The following XPR1 variants were observed in gnomAD, a reference collection of about 807,000 sequenced individuals.
The protein encoded by XPR1 is xenotropic and polytropic retrovirus receptor 1.
XPR1 carries 28 observed loss-of-function variants against 87.5 expected under a neutral mutation model. That is an observed-to-expected ratio of 0.32 (90% CI 0.24 to 0.44). The LOEUF is 0.44. Ranked by LOEUF, XPR1 falls within the 20% of genes least tolerant of loss-of-function variation. The pLI is 1.00. For synonymous variants in XPR1, 300 were observed against 306.1 expected (o/e 0.98, Z 0.21); for missense variants, 559 against 862.3 (o/e 0.65, Z 4.41).
intron 2 of XPR1, among the ~76,000 whole-genome samples, chr1:180,743,320 G>A (rs1658981741): frequency 6.7e-6 from 1 of 150,366 alleles, no homozygotes; most frequent in Non-Finnish European, 1.5e-5. Context: ...GTTGCTTCAG[G>A]GATTATAATA....
chr1:180,850,678 C>T (rs1435904724), intron 11 of XPR1, among the ~76,000 whole-genome samples: 1 of 152,094 alleles, frequency 6.6e-6, no homozygotes, highest in African/African-American at 2.4e-5. Context: ...AGAATCCTGG[C>T]CAGGCATGGT....
At chr1:180,769,683 A>G (rs1557999501) in intron 2 of XPR1, among the ~76,000 whole-genome samples, 3 of 152,098 alleles carry the variant, frequency 2.0e-5, no homozygotes, top group Non-Finnish European at 4.4e-5. Context: ...TTCATCTGTC[A>G]ATGGACATTT....
chr1:180,745,161 A>G (rs1055760117), intron 2 of XPR1, among the ~76,000 whole-genome samples: 1 of 152,164 alleles, frequency 6.6e-6, no homozygotes, highest in African/African-American at 2.4e-5. Context: ...TTAGGTTCAG[A>G]TCCGATTATG....
chr1:180,698,032 G>A (rs1172854516), intron 2 of XPR1, among the ~76,000 whole-genome samples: 1 of 152,126 alleles, frequency 6.6e-6, no homozygotes, highest in African/African-American at 2.4e-5. Flanking sequence ...AATGGTGAGA[G>A]TAGGGTGTTG....
At chr1:180,696,974 A>T (rs1345354932) in intron 2 of XPR1, among the ~76,000 whole-genome samples, 1 of 151,858 alleles carries the variant, frequency 6.6e-6, no homozygotes, top group Non-Finnish European at 1.5e-5. Flanking sequence ...TGATTTTGTT[A>T]TTGGGGTAAT....
At chr1:180,804,254 G>A (rs1257642647) in intron 4 of XPR1, among the ~76,000 whole-genome samples, 1 of 152,206 alleles carries the variant, frequency 6.6e-6, no homozygotes, top group Non-Finnish European at 1.5e-5. Flanking sequence ...GGGATTACAG[G>A]CGTGAGCCAA....
intron 1 of XPR1, among the ~76,000 whole-genome samples, chr1:180,672,959 A>C (rs577241566): frequency 9.9e-5 from 15 of 152,144 alleles, no homozygotes; most frequent in Non-Finnish European, 2.1e-4. Context: ...GCTTTTCTTT[A>C]TTTATTTTAT....
At chr1:180,820,654 G>A (rs1354846338) in intron 7 of XPR1, among the ~76,000 whole-genome samples, 2 of 152,132 alleles carry the variant, frequency 1.3e-5, no homozygotes, top group African/African-American at 2.4e-5. Flanking sequence ...TTTCACAGAG[G>A]CTTTACCATT....
At chr1:180,707,597 C>A (rs1657601862) in intron 2 of XPR1, among the ~76,000 whole-genome samples, 1 of 152,086 alleles carries the variant, frequency 6.6e-6, no homozygotes, top group African/African-American at 2.4e-5. Flanking sequence ...CTCCCCTGTT[C>A]CTGTTTATAG....
chr1:180,669,427 G>T (rs1656082486), intron 1 of XPR1, among the ~76,000 whole-genome samples: 1 of 151,878 alleles, frequency 6.6e-6, no homozygotes, highest in Admixed American at 6.6e-5. Context: ...GTGTCTCCCA[G>T]GCTGGAGTGC....
rs535007434 is a variant in XPR1, at chr1:180,648,220, A to G, written c.69+15950A>G. Among the ~76,000 whole-genome samples, 3 of 152,290 alleles carry G rather than the reference A, an allele frequency of 2.0e-5. No homozygotes were observed. In the South Asian group the frequency reaches 6.2e-4, roughly 32 times the overall value. ...GCTGTGTGTATGTATATGTGTATATATATGTATTTGTGTGTATATCTCTCA... is the reference window on the plus strand; with the variant it reads ...GCTGTGTGTATGTATATGTGTATATGTATGTATTTGTGTGTATATCTCTCA... On this transcript the variant is annotated intron_variant, in intron 1 of 14. Transcript: ENST00000367590.
Position 180,632,029 on chromosome 1 carries a change from G to A in XPR1, c.-173G>A. The stretch of plus-strand genomic sequence containing the variant: ...GCGGGGAGGGGCGGGGCTATGGAGA[G>A]GAGGAGGAAGATGGCGGGCGGGCTG... On this transcript the variant is annotated 5_prime_UTR_variant, in exon 1 of 15. Coordinates refer to ENST00000367590, the MANE Select transcript of XPR1 (RefSeq NM_004736.4). 1 of 715,586 alleles carries A rather than the reference G, an allele frequency of 1.4e-6. No homozygotes were observed. The allele number at this position is 715,586 out of a possible 1,614,324, so 44.3% of individuals were successfully genotyped here.
intron 2 of XPR1, among the ~76,000 whole-genome samples, chr1:180,760,200 G>A (rs1367363323): frequency 6.6e-6 from 1 of 152,124 alleles, no homozygotes; most frequent in Non-Finnish European, 1.5e-5. Flanking sequence ...TTGAAAACTG[G>A]CACAAGACAG....
At chr1:180,755,018 A>G (rs1361037712) in intron 2 of XPR1, among the ~76,000 whole-genome samples, 4 of 152,192 alleles carry the variant, frequency 2.6e-5, no homozygotes, top group Middle Eastern at 3.2e-3. Context: ...AGTAATGGGA[A>G]CCAGGTTTCT....
chr1:180,725,637 C>A (rs1230462946), intron 2 of XPR1, among the ~76,000 whole-genome samples: 3 of 152,212 alleles, frequency 2.0e-5, no homozygotes, highest in South Asian at 2.1e-4. Flanking sequence ...ACTGCTTAAA[C>A]TGATTTTACT....
intron 6 of XPR1, among the ~76,000 whole-genome samples, chr1:180,809,656 G>A (rs572902131): frequency 9.9e-5 from 15 of 152,086 alleles, no homozygotes; most frequent in Non-Finnish European, 1.9e-4. Flanking sequence ...AGAAAATGTG[G>A]AAGTGGTTAT....
At chr1:180,765,200 G>GT (rs1648231211) in intron 2 of XPR1, among the ~76,000 whole-genome samples, 1 of 152,220 alleles carries the variant, frequency 6.6e-6, no homozygotes, top group African/African-American at 2.4e-5. Flanking sequence ...AGTGACTTGT[G>GT]TGAGTGCTCA....
intron 2 of XPR1, among the ~76,000 whole-genome samples, chr1:180,716,163 G>T (rs894745177): frequency 4.6e-5 from 7 of 151,646 alleles, no homozygotes; most frequent in African/African-American, 1.7e-4. Context: ...TGGAGCCAGG[G>T]TCTCACTCTG....
chr1:180,832,487 T>A (rs1164089315), intron 9 of XPR1, among the ~76,000 whole-genome samples: 2 of 152,236 alleles, frequency 1.3e-5, no homozygotes, highest in Admixed American at 1.3e-4. Flanking sequence ...TGAATGGTAT[T>A]GCCTAGATTT....
Sources: gnomAD v4.1 joint callset for allele counts (sites outside exome capture counted in the v4.1 genomes callset) on GRCh38, gnomAD v4.1.1 for gene constraint, MANE v1.5 for transcripts, NCBI Gene and HGNC (gene_info 2026-07-23, HGNC 2026-07-21) for gene names.